Variants in ACACB observed in about 807,000 individuals in gnomAD.
The protein encoded by ACACB is acetyl-CoA carboxylase 2.
ACACB carries 209 observed loss-of-function variants against 278.8 expected under a neutral mutation model. That is an observed-to-expected ratio of 0.75 (90% CI 0.67 to 0.84). The LOEUF is 0.84. ACACB is among the 40% of genes least tolerant of loss of function. The pLI is 0.00. For synonymous variants in ACACB, 1,174 were observed against 1,285.6 expected (o/e 0.91, Z 1.86); for missense variants, 2,850 against 3,269.0 (o/e 0.87, Z 3.13).
At position 109,249,975 on chromosome 12, in the gene ACACB, C is replaced by G; in HGVS notation, c.5670-9C>G. On this transcript the variant is annotated splice_polypyrimidine_tract_variant and intron_variant, in intron 40 of 52. Transcript: ENST00000338432. ...GAGCCCAGCCTTTAACCTGTGCTTG[C>G]TTTTGAAGATACATGATCACGGATA... is the stretch of plus-strand genomic sequence containing the variant. The G allele has an allele frequency of 6.2e-7, 1 of 1,610,026 alleles. No individual in the cohort carries two copies. The highest frequency in any genetic ancestry group is 8.5e-7 in the Non-Finnish European group (1 of 1,178,592).
chr12:109,170,480 C>G (rs149838238), intron 4 of ACACB, among the ~76,000 whole-genome samples: 1 of 152,206 alleles, frequency 6.6e-6, no homozygotes, highest in Admixed American at 6.5e-5. Context: ...AAGGAAATCC[C>G]GTCATATGTT....
chr12:109,140,585 A>C (rs2043099222), intron 2 of ACACB, among the ~76,000 whole-genome samples: 1 of 152,168 alleles, frequency 6.6e-6, no homozygotes, highest in East Asian at 1.9e-4. Context: ...TGAACCCAGG[A>C]AGTGGAGGTT....
In ACACB at chr12:109,176,032, G is replaced by A. The variant is rs764942932; in HGVS notation, c.1318G>A (p.Gly440Ser). 4 of 1,614,020 alleles carry A rather than the reference G, an allele frequency of 2.5e-6. No individual in the cohort carries two copies. In the South Asian group the frequency reaches 4.4e-5, roughly 18 times the overall value. The change falls in exon 8 of 53, where the codon GGC (glycine) becomes AGC (serine). Residue 440 changes from glycine (G) to serine (S), a missense_variant. By Grantham distance (56) the Gly-to-Ser change is moderately conservative. Around this residue, in one of 3 missense-constraint regions of ACACB, gnomAD observed 2,265 missense variants for 2,561.3 expected, o/e 0.88. Transcript: ENST00000338432. ...GGGTTGCGTGAAAGACGTAGATGAG[G>A]GCTTGGAGGTAAATGCAGAGCCTGT... is the stretch of plus-strand genomic sequence containing the variant. ...DKGCVKDVDE[G>S]LEAAERIGFP...
rs752429138 is a variant in ACACB, at chr12:109,197,168, G to A, written c.2627+15G>A. 68 of 1,597,312 alleles carry A rather than the reference G, an allele frequency of 4.3e-5. 1 individual carries two copies. In the East Asian group the frequency reaches 6.7e-4, roughly 16 times the overall value. On this transcript the variant is annotated intron_variant, in intron 17 of 52. Transcript: ENST00000338432. ...GAGGTTGACAGGTGCGTGGGGGTGC[G>A]AGTCCCACTGTGGGCTGGGCATGCA... is the stretch of plus-strand genomic sequence containing the variant.
At chr12:109,182,488 C>T (rs1427057112) in intron 11 of ACACB, among the ~76,000 whole-genome samples, 3 of 152,180 alleles carry the variant, frequency 2.0e-5, no homozygotes, top group African/African-American at 7.2e-5. Flanking sequence ...CCACATCAAC[C>T]TCCTGAGTAG....
At chr12:109,119,275 C>T (rs191769929) in intron 1 of ACACB, among the ~76,000 whole-genome samples, 1 of 152,172 alleles carries the variant, frequency 6.6e-6, no homozygotes, top group African/African-American at 2.4e-5. Flanking sequence ...GCTGGGGCCC[C>T]AGAAAACAAC....
At chr12:109,171,564 G>A (rs540743795) in intron 4 of ACACB, among the ~76,000 whole-genome samples, 2 of 151,920 alleles carry the variant, frequency 1.3e-5, no homozygotes, top group Non-Finnish European at 1.5e-5. Flanking sequence ...TGCCCAGGCC[G>A]GTTTCGAACT....
chr12:109,144,750 C>CTTTTTTTTTTTTTTTTTTTTT (rs770963307), intron 2 of ACACB, among the ~76,000 whole-genome samples: 24 of 86,770 alleles, frequency 2.8e-4, no homozygotes, highest in Non-Finnish European at 4.1e-4. Context: ...TTCTTTCTTT[C>CTTTTTTTTTTTTTTTTTTTTT]TTTCTTTTTT....
At chr12:109,171,701 A>G (rs942896541) in intron 4 of ACACB, 104 bp from the exon 5 acceptor site, 3 of 849,926 alleles carry the variant, frequency 3.5e-6, no homozygotes, top group African/African-American at 3.4e-5. Flanking sequence ...AGAAATCTGC[A>G]TGGTTCTGCT....
At chr12:109,194,218 C>T (rs1047739986) in intron 16 of ACACB, among the ~76,000 whole-genome samples, 9 of 151,068 alleles carry the variant, frequency 6.0e-5, no homozygotes, top group Non-Finnish European at 8.8e-5. Context: ...TTTTTTCAAA[C>T]GGAGCCTCAC....
chr12:109,265,073 T>A, intron 50 of ACACB, 37 bp from the exon 51 acceptor site: 2 of 1,578,904 alleles, frequency 1.3e-6, no homozygotes, highest in Non-Finnish European at 1.7e-6. Flanking sequence ...CGTCTCCTCC[T>A]TCCCTTTCCG....
chr12:109,118,725 G>A (rs1215134764), intron 1 of ACACB, among the ~76,000 whole-genome samples: 1 of 151,978 alleles, frequency 6.6e-6, no homozygotes, highest in Non-Finnish European at 1.5e-5. Flanking sequence ...GGAATACCTT[G>A]TTCTCATGCT....
chr12:109,160,905 C>T (rs1437283916), intron 2 of ACACB, among the ~76,000 whole-genome samples: 2 of 152,148 alleles, frequency 1.3e-5, no homozygotes, highest in Admixed American at 1.3e-4. Flanking sequence ...GCCCCCTAGG[C>T]CACAAATGAA....
At chr12:109,199,918 C>T (rs1489295794) in intron 18 of ACACB, among the ~76,000 whole-genome samples, 1 of 150,612 alleles carries the variant, frequency 6.6e-6, no homozygotes, top group Non-Finnish European at 1.5e-5. Context: ...GAGGCTGAGG[C>T]AGGAGGATGG....
rs370753174 is a variant in ACACB at position 109,266,385 on chromosome 12, C to T, written c.*23C>T. 2.0e-5 allele frequency: 31 copies of T among 1,585,806 alleles called. No homozygotes were observed. The highest frequency in any genetic ancestry group is 3.4e-5 in the Admixed American group (2 of 58,040). ...TGACCGTGGCCCGCCCAGCCACTCC[C>T]GGGACCACGGCAAAAGGAACCACCC... is the stretch of plus-strand genomic sequence containing the variant. On this transcript the variant is annotated 3_prime_UTR_variant, in exon 53 of 53. Coordinates refer to ENST00000338432, the MANE Select transcript of ACACB (RefSeq NM_001093.4).
chr12:109,219,678 T>C (rs75661624), intron 24 of ACACB, among the ~76,000 whole-genome samples: 1,981 of 152,308 alleles, frequency 0.013, 49 homozygotes, highest in African/African-American at 0.045. Context: ...TGTATGTGTA[T>C]GCGCACGTAC....
At chr12:109,224,452 C>G (rs2046260765) in intron 27 of ACACB, among the ~76,000 whole-genome samples, 1 of 151,694 alleles carries the variant, frequency 6.6e-6, no homozygotes, top group Admixed American at 6.6e-5. Context: ...CTCCCGGGAG[C>G]AAGAATTCAG....
chr12:109,197,035 G>A lies in ACACB; in HGVS notation c.2509G>A (p.Val837Ile), dbSNP rs772727257. The A allele has an allele frequency of 5.1e-6, 8 of 1,582,898 alleles. No individual in the cohort carries two copies. Among genetic ancestry groups the A allele is most frequent in the South Asian group, 3.5e-5 (3 of 86,072 alleles). ...GGCCCGGCAGTCTCTGACCATGTTC[G>A]TTCTCATCATGAATGGCTGCCACAT... Reference protein sequence around the residue: ...KVARQSLTMFVLIMNGCHIEI... With the variant: ...KVARQSLTMFILIMNGCHIEI... Residue 837 changes from valine to isoleucine, a missense_variant, in exon 17 of 53, where the codon GTT becomes ATT. By Grantham distance (29) the Val-to-Ile change is conservative. This residue lies in a region of ACACB where 2,265 missense variants were observed against 2,561.3 expected (regional missense o/e 0.88). Transcript: ENST00000338432.
At chr12:109,223,719 A>G in intron 26 of ACACB, 96 bp from the exon 27 acceptor site, 1 of 1,146,440 alleles carries the variant, frequency 8.7e-7, no homozygotes. Flanking sequence ...CTATGATCAC[A>G]CCACTGCACT....
Sources: allele counts gnomAD v4.1 joint callset (sites outside exome capture counted in the v4.1 genomes callset), GRCh38; gene constraint gnomAD v4.1.1; regional missense constraint gnomAD v4.1.1; transcripts MANE v1.5; gene names NCBI Gene and HGNC (gene_info 2026-07-23, HGNC 2026-07-21).